FOXP2: variants seen among roughly 807,000 people sequenced by gnomAD.
FOXP2 encodes forkhead box P2.
In FOXP2, 12 loss-of-function variants were observed where a neutral mutation model predicts 115.8. The observed-to-expected ratio is 0.10, with a 90% CI of 0.07 to 0.17. The LOEUF (loss-of-function observed/expected upper bound fraction) is 0.17, where lower values mean the gene tolerates loss of function less well. FOXP2 is among the 10% of genes least tolerant of loss of function. FOXP2 has a pLI of 1.00. For missense variants in FOXP2, 629 were observed against 843.5 expected (o/e 0.75, Z 3.15); for synonymous variants, 328 against 297.7 (o/e 1.10, Z -1.05).
intron 2 of FOXP2, among the ~76,000 whole-genome samples, chr7:114,530,579 T>C (rs1323121589): frequency 6.6e-6 from 1 of 152,080 alleles, no homozygotes; most frequent in South Asian, 2.1e-4. Flanking sequence ...TTTTTTGTTT[T>C]ACTGCGTATT....
intron 6 of FOXP2, among the ~76,000 whole-genome samples, chr7:114,638,669 C>G (rs1398216382): frequency 6.6e-6 from 1 of 152,122 alleles, no homozygotes; most frequent in African/African-American, 2.4e-5. Flanking sequence ...ATTGGAATCA[C>G]CTTTGGAGCT....
intron 2 of FOXP2, among the ~76,000 whole-genome samples, chr7:114,485,017 T>G (rs1211534285): frequency 6.6e-6 from 1 of 151,916 alleles, no homozygotes; most frequent in Non-Finnish European, 1.5e-5. Context: ...AAAAATCTGT[T>G]TGAAATATAT....
chr7:114,437,353 C>T (rs139467221), intron 2 of FOXP2, among the ~76,000 whole-genome samples: 5 of 152,224 alleles, frequency 3.3e-5, no homozygotes, highest in African/African-American at 1.2e-4. Context: ...CAGGTGTTTC[C>T]CAAAGTCTTC....
Position 114,664,344 on chromosome 7 carries a change from A to C in FOXP2, c.1911A>C (p.Leu637=). The C allele has an allele frequency of 6.2e-7, 1 of 1,613,628 alleles. No homozygotes were observed. The highest frequency in any genetic ancestry group is 8.5e-7 in the Non-Finnish European group (1 of 1,179,710). The change falls in exon 16 of 17, where the codon CTA becomes CTC. Residue 637 remains leucine, a synonymous_variant. Transcript: ENST00000350908. ...PGLINNASSG[L]LQAVHEDLNG... is the part of the protein sequence containing the mutation. ...TGATAAATAATGCATCCAGTGGCCT[A>C]CTGCAGGCCGTCCACGAAGACCTCA...
chr7:114,260,160 G>A (rs1346079813), intron 1 of FOXP2, among the ~76,000 whole-genome samples: 2 of 151,542 alleles, frequency 1.3e-5, no homozygotes, highest in Non-Finnish European at 2.9e-5. Context: ...CAAAGTGCTG[G>A]GATAACAGAT....
chr7:114,538,269 C>G (rs1390452764), intron 3 of FOXP2: 1 of 1,163,726 alleles, frequency 8.6e-7, no homozygotes, highest in Non-Finnish European at 1.2e-6. Context: ...GACAAATCTA[C>G]TTAATTTAGT....
chr7:114,264,575 GTA>G (rs1795848756), intron 1 of FOXP2, among the ~76,000 whole-genome samples: 1 of 152,120 alleles, frequency 6.6e-6, no homozygotes. Flanking sequence ...CATATTACCT[GTA>G]GTACTTTATT....
chr7:114,191,355 A>G (rs1346035296), intron 1 of FOXP2, among the ~76,000 whole-genome samples: 1 of 152,300 alleles, frequency 6.6e-6, no homozygotes, highest in Admixed American at 6.5e-5. Flanking sequence ...AAATCCCAAG[A>G]GAGAGGACAT....
chr7:114,649,363 T>C (rs930078704), intron 8 of FOXP2, among the ~76,000 whole-genome samples: 1 of 152,224 alleles, frequency 6.6e-6, no homozygotes, highest in East Asian at 1.9e-4. Context: ...TCCAACTTCC[T>C]GCAAGGGACA....
intron 1 of FOXP2, among the ~76,000 whole-genome samples, chr7:114,271,692 T>A (rs1390148902): frequency 8.5e-6 from 1 of 117,120 alleles, no homozygotes; most frequent in East Asian, 2.2e-4. Context: ...TATTTAATAA[T>A]ATATTTAATA....
rs776670223 is a variant in FOXP2, at chr7:114,629,888, G to A, written c.480G>A (p.Gln160=). The change falls in exon 5 of 17, where the codon CAG becomes CAA. Residue 160 remains glutamine, a synonymous_variant. Transcript: ENST00000350908. ...LLQQQQQQQQ[Q]QQQQQQQQQQ... ...AGCAGCAGCAGCAACAGCAGCAGCA[G>A]CAACAACAGCAGCAACAACAGCAGC... is the stretch of plus-strand genomic sequence containing the variant. The A allele has an allele frequency of 2.5e-6, 4 of 1,610,956 alleles. No homozygotes were observed. Among genetic ancestry groups the A allele is most frequent in the East Asian group, 2.2e-5 (1 of 44,676 alleles).
At chr7:114,559,434 C>G (rs902492932) in intron 3 of FOXP2, among the ~76,000 whole-genome samples, 1 of 152,094 alleles carries the variant, frequency 6.6e-6, no homozygotes, top group Non-Finnish European at 1.5e-5. Context: ...ATTGGCTTCT[C>G]TACTGCGATT....
chr7:114,346,896 G>A (rs1398807282), intron 2 of FOXP2, among the ~76,000 whole-genome samples: 2 of 151,796 alleles, frequency 1.3e-5, no homozygotes, highest in African/African-American at 4.8e-5. Context: ...GAGTGGAAGA[G>A]AGGCTTTTGA....
chr7:114,336,749 G>T (rs184681387), intron 2 of FOXP2, among the ~76,000 whole-genome samples: 1 of 151,536 alleles, frequency 6.6e-6, no homozygotes, highest in Admixed American at 6.6e-5. Context: ...CTGTAGAAGA[G>T]AAAATATACA....
At chr7:114,129,746 T>G (rs1791820192) in intron 1 of FOXP2, among the ~76,000 whole-genome samples, 1 of 152,212 alleles carries the variant, frequency 6.6e-6, no homozygotes, top group Non-Finnish European at 1.5e-5. Context: ...TGTTGTTGTG[T>G]GATTGCTTTA....
intron 2 of FOXP2, among the ~76,000 whole-genome samples, chr7:114,395,597 T>C (rs1792717325): frequency 6.6e-6 from 1 of 152,166 alleles, no homozygotes; most frequent in South Asian, 2.1e-4. Context: ...AATACTTTTA[T>C]ATACATTTAA....
At chr7:114,606,006 T>C (rs1425667954) in intron 3 of FOXP2, among the ~76,000 whole-genome samples, 1 of 151,964 alleles carries the variant, frequency 6.6e-6, no homozygotes, top group Non-Finnish European at 1.5e-5. Context: ...AAATGAAAAA[T>C]GGCCAGGTAT....
chr7:114,571,004 A>T (rs1801274109), intron 3 of FOXP2: 2 of 841,900 alleles, frequency 2.4e-6, no homozygotes, highest in Admixed American at 3.6e-5. Flanking sequence ...GATAATCAAG[A>T]TACAAATAAT....
At chr7:114,192,641 C>T (rs906804432) in intron 1 of FOXP2, among the ~76,000 whole-genome samples, 1 of 152,168 alleles carries the variant, frequency 6.6e-6, no homozygotes, top group Non-Finnish European at 1.5e-5. Context: ...GTGTATATTG[C>T]AATCAGTTGT....
Sources: gnomAD v4.1 joint callset for allele counts (sites outside exome capture counted in the v4.1 genomes callset) on GRCh38, gnomAD v4.1.1 for gene constraint, MANE v1.5 for transcripts, NCBI Gene and HGNC (gene_info 2026-07-23, HGNC 2026-07-21) for gene names.